Variants in SMYD3 observed in about 807,000 individuals in gnomAD.
The protein encoded by SMYD3 is SET and MYND domain containing 3.
SMYD3 carries 36 observed loss-of-function variants against 57.7 expected under a neutral mutation model. The ratio of observed to expected loss-of-function variants is 0.62; its 90% CI spans 0.48 to 0.82. The LOEUF (loss-of-function observed/expected upper bound fraction) is 0.82. Ranked by LOEUF, SMYD3 falls within the 40% of genes least tolerant of loss-of-function variation. The pLI is 0.00. For missense variants in SMYD3, 515 were observed against 538.8 expected (o/e 0.96, Z 0.44); for synonymous variants, 211 against 195.0 (o/e 1.08, Z -0.68).
At chr1:246,245,433 ACT>A (rs951718637) in intron 5 of SMYD3, among the ~76,000 whole-genome samples, 8 of 151,976 alleles carry the variant, frequency 5.3e-5, no homozygotes, top group Non-Finnish European at 1.0e-4. Context: ...ACAGAACGAG[ACT>A]CTGTCTCCAA....
chr1:245,751,608 AAGAGAG>A (rs1302860924), intron 11 of SMYD3, among the ~76,000 whole-genome samples: 1 of 120,770 alleles, frequency 8.3e-6, no homozygotes, highest in South Asian at 2.5e-4. Context: ...GAGAGAGAGA[AAGAGAG>A]AGAGAAAAAG....
intron 1 of SMYD3, among the ~76,000 whole-genome samples, chr1:246,495,897 G>A (rs150651816): frequency 2.6e-5 from 4 of 152,032 alleles, no homozygotes; most frequent in African/African-American, 9.6e-5. Flanking sequence ...CCTGGGAGGC[G>A]AAGGCTGCAG....
chr1:246,460,090 ATTC>A (rs1259411679), intron 1 of SMYD3, among the ~76,000 whole-genome samples: 2 of 152,164 alleles, frequency 1.3e-5, no homozygotes, highest in African/African-American at 2.4e-5. Context: ...CTTTTAATAT[ATTC>A]TTCTTTGCTT....
intron 5 of SMYD3, chr1:246,186,875 G>C (rs1283180946): frequency 2.0e-6 from 2 of 985,342 alleles, no homozygotes; most frequent in Non-Finnish European, 2.4e-6. Context: ...TTACCTCGCA[G>C]GAGAATGTCT....
chr1:246,112,739 T>C (rs924420918), intron 5 of SMYD3, among the ~76,000 whole-genome samples: 2 of 152,204 alleles, frequency 1.3e-5, no homozygotes, highest in Non-Finnish European at 2.9e-5. Context: ...CTTTTAAAAA[T>C]ATACTTGGAA....
At chr1:246,441,882 G>A (rs1195518738) in intron 1 of SMYD3, among the ~76,000 whole-genome samples, 3 of 152,246 alleles carry the variant, frequency 2.0e-5, no homozygotes, top group African/African-American at 4.8e-5. Context: ...AGGGTGCTGG[G>A]ACTACAGGCG....
At chr1:246,287,625 C>T (rs889350834) in intron 5 of SMYD3, among the ~76,000 whole-genome samples, 4 of 152,142 alleles carry the variant, frequency 2.6e-5, no homozygotes, top group Non-Finnish European at 5.9e-5. Flanking sequence ...GAATACTATT[C>T]TTGAAGTATA....
intron 10 of SMYD3, among the ~76,000 whole-genome samples, chr1:245,840,170 A>G (rs934187664): frequency 1.3e-5 from 2 of 152,194 alleles, no homozygotes; most frequent in African/African-American, 4.8e-5. Flanking sequence ...CTTTTCCCAG[A>G]GCTAAAGGAA....
At chr1:246,445,855 G>GAGA (rs2067544797) in intron 1 of SMYD3, among the ~76,000 whole-genome samples, 1 of 124,306 alleles carries the variant, frequency 8.0e-6, no homozygotes, top group African/African-American at 2.9e-5. Flanking sequence ...ATCCAAAAAG[G>GAGA]AAAAAAAAAA....
intron 5 of SMYD3, among the ~76,000 whole-genome samples, chr1:246,009,839 T>C (rs1383689554): frequency 1.6e-5 from 2 of 128,674 alleles, no homozygotes; most frequent in Non-Finnish European, 3.3e-5. Context: ...AGATGGAGTC[T>C]TGCTCTGTTG....
intron 5 of SMYD3, among the ~76,000 whole-genome samples, chr1:246,134,336 C>T (rs1003864255): frequency 4.6e-5 from 7 of 152,004 alleles, no homozygotes; most frequent in Admixed American, 4.6e-4. Context: ...CTATATAAGG[C>T]ATTTTATATA....
chr1:246,395,454 A>G (rs1285135978), intron 1 of SMYD3, among the ~76,000 whole-genome samples: 1 of 152,248 alleles, frequency 6.6e-6, no homozygotes, highest in Non-Finnish European at 1.5e-5. Flanking sequence ...TTCTTTTCAA[A>G]GAGTCATTTC....
intron 1 of SMYD3, among the ~76,000 whole-genome samples, chr1:246,439,001 C>A (rs868391618): frequency 6.6e-6 from 1 of 150,958 alleles, no homozygotes; most frequent in Non-Finnish European, 1.5e-5. Flanking sequence ...GGAGTGGTAC[C>A]GGTCCTCGGC....
chr1:245,919,628 C>T (rs1336637241), intron 7 of SMYD3, among the ~76,000 whole-genome samples: 1 of 152,204 alleles, frequency 6.6e-6, no homozygotes, highest in Non-Finnish European at 1.5e-5. Flanking sequence ...AGCCAGATTA[C>T]TAACTGGTAA....
chr1:245,775,196 AG>A (rs1202462289), intron 10 of SMYD3, among the ~76,000 whole-genome samples: 7 of 152,170 alleles, frequency 4.6e-5, no homozygotes, highest in Non-Finnish European at 8.8e-5. Context: ...CCACCCGGCC[AG>A]CCGCCCTGTC....
chr1:245,975,877 C>T (rs375865591), intron 5 of SMYD3, among the ~76,000 whole-genome samples: 1 of 68 alleles, frequency 0.015, no homozygotes. Flanking sequence ...GTCTCCGGCC[C>T]AGGGAAAGCC....
chr1:246,415,292 A>G (rs551088435), intron 1 of SMYD3, among the ~76,000 whole-genome samples: 3 of 152,316 alleles, frequency 2.0e-5, no homozygotes, highest in Admixed American at 2.0e-4. Context: ...TAGGCTTAGG[A>G]CCCAGAGATG....
rs138867947 is a variant in SMYD3, at chr1:245,857,942, AC to A, written c.1076+553del. On this transcript the variant is annotated intron_variant, in intron 10 of 11. Coordinates refer to ENST00000490107, the MANE Select transcript of SMYD3 (RefSeq NM_001167740.2). ...AGAAGCAATTACCTATAGTTCCTTC[AC>A]CTGACTCAAGGAGAAGCTGAGGCAG... is the stretch of plus-strand genomic sequence containing the variant. Among the ~76,000 whole-genome samples, 23 of 152,268 alleles carry A rather than the reference AC, an allele frequency of 1.5e-4. No individual in the cohort carries two copies. The East Asian group carries it at 4.2e-3, about 28-fold the overall frequency.
chr1:246,217,386 A>G (rs10802355), intron 5 of SMYD3, among the ~76,000 whole-genome samples: 40,357 of 151,898 alleles, frequency 0.27, 6,094 homozygotes, highest in East Asian at 0.58. Flanking sequence ...ATGTGTGCCT[A>G]TGGTCCCAGC....
Sources: gnomAD v4.1 joint callset for allele counts (sites outside exome capture counted in the v4.1 genomes callset) on GRCh38, gnomAD v4.1.1 for gene constraint, MANE v1.5 for transcripts, NCBI Gene and HGNC (gene_info 2026-07-23, HGNC 2026-07-21) for gene names.